RARG: variants seen among roughly 807,000 people sequenced by gnomAD.
RARG encodes retinoic acid receptor gamma.
RARG carries 17 observed loss-of-function variants against 43.7 expected under a neutral mutation model. That is an observed-to-expected ratio of 0.39 (90% confidence interval 0.27 to 0.58). RARG has a LOEUF of 0.58. Ranked by LOEUF, RARG falls within the 20% of genes least tolerant of loss-of-function variation. The pLI, the probability that RARG is intolerant of heterozygous loss-of-function variation, is 0.57. For synonymous variants in RARG, 238 were observed against 236.4 expected, an observed-to-expected ratio of 1.01 and a Z score of -0.06; for missense variants, 346 against 598.7, an observed-to-expected ratio of 0.58 and a Z score of 4.40.
At chr12:53,223,770 T>C (rs1382730091) in intron 3 of RARG, among the ~76,000 whole-genome samples, 2 of 152,228 alleles carry the variant, frequency 1.3e-5, no homozygotes, top group East Asian at 3.8e-4. Context: ...GTCTTGTCTG[T>C]GAGTCTCTCT....
chr12:53,227,587 G>T lies in RARG; in HGVS notation c.-42C>A. The T allele has an allele frequency of 6.9e-7, 1 of 1,447,954 alleles. No homozygotes were observed. Among genetic ancestry groups the T allele is most frequent in the Non-Finnish European group, 9.1e-7 (1 of 1,098,554 alleles). The allele number at this position is 1,447,954 out of a possible 1,614,324, so 89.7% of individuals were successfully genotyped here. Reference sequence around the variant, plus strand: ...GAGTCCCCTGGGGTCTGCAGTGGGCGGGCGAGGTCTTCAGCCACAGCCCCT... The same window carrying T: ...GAGTCCCCTGGGGTCTGCAGTGGGCTGGCGAGGTCTTCAGCCACAGCCCCT... On this transcript the variant is annotated 5_prime_UTR_variant, in exon 3 of 10. Coordinates refer to ENST00000425354, the MANE Select transcript of RARG (RefSeq NM_000966.6). The surrounding 1 kb of genome is among the most constrained non-coding windows in gnomAD (Gnocchi z 4.3).
chr12:53,211,031 G>C lies in RARG; in HGVS notation c.*645C>G, dbSNP rs545091669. The C allele has an allele frequency of 6.5e-6, 1 of 152,920 alleles. No homozygotes were observed. Among genetic ancestry groups the C allele is most frequent in the Non-Finnish European group, 1.5e-5 (1 of 68,186 alleles). 9.5% of individuals were successfully genotyped at this position (152,920 alleles called of 1,614,324 possible). ...GGAGCCCAAGGCACATGACAGGGCT[G>C]GGGGAGGGACTTATAACGGAGGGCA... On this transcript the variant is annotated 3_prime_UTR_variant, in exon 10 of 10. Transcript: ENST00000425354. The surrounding 1 kb of genome is among the most constrained non-coding windows in gnomAD (Gnocchi z 4.6).
chr12:53,220,314 G>C, intron 3 of RARG: 1 of 1,413,054 alleles, frequency 7.1e-7, no homozygotes, highest in South Asian at 1.6e-5. Context: ...TGGGGCTGCC[G>C]CTTTAGCCTC....
intron 3 of RARG, among the ~76,000 whole-genome samples, chr12:53,216,291 AGCT>A (rs1255425844): frequency 6.6e-6 from 1 of 152,190 alleles, no homozygotes; most frequent in Non-Finnish European, 1.5e-5. Context: ...GGCTTCCTGT[AGCT>A]GCTACTGGCC....
Position 53,227,672 on chromosome 12 carries a change from T to C in RARG, c.-127A>G. 1.5e-6 allele frequency: 2 copies of C among 1,320,182 alleles called. No homozygotes were observed. The highest frequency in any genetic ancestry group is 1.9e-6 in the Non-Finnish European group (2 of 1,031,586). 81.8% of individuals were successfully genotyped at this position (1,320,182 alleles called of 1,614,324 possible). A position where few individuals can be genotyped will look rare whatever the true frequency, so the allele number is the denominator to read the frequency against. Reference sequence around the variant, plus strand: ...TACCCGCCCTGCCTGGCCTGCCCACTGGGCCTCCAAAAGTCCTAGGGAGAA... The same window carrying C: ...TACCCGCCCTGCCTGGCCTGCCCACCGGGCCTCCAAAAGTCCTAGGGAGAA... On this transcript the variant is annotated 5_prime_UTR_variant, in exon 3 of 10. Coordinates refer to ENST00000425354, the MANE Select transcript of RARG (RefSeq NM_000966.6). This position sits in a 1 kb window ranked among gnomAD's most constrained non-coding sequence, Gnocchi z 4.3.
chr12:53,215,066 T>C lies in RARG; in HGVS notation c.475+227A>G, dbSNP rs1942724246. The stretch of plus-strand genomic sequence containing the variant: ...CAGGGGGAATGTGAGACCCTACTTA[T>C]TCACCCATTCAGAGGAAGAGTCAAG... On this transcript the variant is annotated intron_variant, in intron 5 of 9. Transcript: ENST00000425354. The surrounding 1 kb of genome is among the most constrained non-coding windows in gnomAD (Gnocchi z 6.4). 6.6e-6 allele frequency among the ~76,000 whole-genome samples: 1 copy of C among 152,126 alleles called. No homozygotes were observed. Among genetic ancestry groups the C allele is most frequent in the Admixed American group, 6.5e-5 (1 of 15,276 alleles).
At chr12:53,226,877 G>T (rs1348461376) in intron 3 of RARG, among the ~76,000 whole-genome samples, 2 of 152,164 alleles carry the variant, frequency 1.3e-5, no homozygotes, top group East Asian at 3.9e-4. Flanking sequence ...CTCCCAAAGT[G>T]CTGGGATTAC....
chr12:53,227,888 G>A lies in RARG; in HGVS notation c.-142-201C>T, dbSNP rs548032800. On this transcript the variant is annotated intron_variant, in intron 2 of 9. Transcript: ENST00000425354. The surrounding 1 kb of genome is among the most constrained non-coding windows in gnomAD (Gnocchi z 4.3). ...TGAGAAACTCTCCAGAGGAGCTCCA[G>A]GAAAGGTTAAACTGAGGTCCCAAGG... is the stretch of plus-strand genomic sequence containing the variant. Among the ~76,000 whole-genome samples the A allele has an allele frequency of 2.6e-5, 4 of 152,300 alleles. No individual in the cohort carries two copies. The South Asian group carries it at 8.3e-4, about 32-fold the overall frequency.
intron 2 of RARG, among the ~76,000 whole-genome samples, chr12:53,230,836 CGTGT>C (rs59367849): frequency 0.16 from 19,693 of 119,670 alleles, 1,431 homozygotes; most frequent in South Asian, 0.26. Context: ...GGCCACAGTG[CGTGT>C]GTGTGTGTGT....
chr12:53,227,783 T>C lies in RARG; in HGVS notation c.-142-96A>G, dbSNP rs1444444466. ...TCTCAGTTGCAGTCTTCTCCCTCTG[T>C]GCTGCTACAGTTTATCCTGCCCTGG... On this transcript the variant is annotated intron_variant, in intron 2 of 9. Transcript: ENST00000425354. This position sits in a 1 kb window ranked among gnomAD's most constrained non-coding sequence, Gnocchi z 4.3. 5.3e-6 allele frequency: 5 copies of C among 939,330 alleles called. No homozygotes were observed. The highest frequency in any genetic ancestry group is 4.4e-5 in the Admixed American group (1 of 22,960). 58.2% of individuals were successfully genotyped at this position (939,330 alleles called of 1,614,324 possible).
At chr12:53,218,699 C>CTTGTAAA (rs1942848200) in intron 3 of RARG, among the ~76,000 whole-genome samples, 1 of 151,686 alleles carries the variant, frequency 6.6e-6, no homozygotes, top group African/African-American at 2.4e-5. Context: ...AAAAAAAAAT[C>CTTGTAAA]CGAACTTGTA....
intron 3 of RARG, among the ~76,000 whole-genome samples, chr12:53,217,297 G>A (rs528955221): frequency 9.2e-5 from 14 of 152,284 alleles, no homozygotes; most frequent in Middle Eastern, 3.4e-3. Flanking sequence ...TGAGAGATGT[G>A]AGGAGGGCTG....
chr12:53,226,147 C>G (rs12309437), intron 3 of RARG, among the ~76,000 whole-genome samples: 13,407 of 152,156 alleles, frequency 0.088, 887 homozygotes, highest in South Asian at 0.2. Flanking sequence ...CTCTCTCTCT[C>G]AGACAGAATC....
rs184514676 is a variant in RARG, at chr12:53,211,338, G to A, written c.*338C>T. ...CTCAGAGAGCCAAGCACCTGGCAGAGGAAGGGGCTGTGGAATGGCAGGGTC... is the reference window on the plus strand; with the variant it reads ...CTCAGAGAGCCAAGCACCTGGCAGAAGAAGGGGCTGTGGAATGGCAGGGTC... On this transcript the variant is annotated 3_prime_UTR_variant, in exon 10 of 10. Transcript: ENST00000425354. This position sits in a 1 kb window ranked among gnomAD's most constrained non-coding sequence, Gnocchi z 4.6. The A allele has an allele frequency of 4.6e-6, 1 of 217,806 alleles. No individual in the cohort carries two copies. The highest frequency in any genetic ancestry group is 9.0e-6 in the Non-Finnish European group (1 of 110,610). The allele number at this position is 217,806 out of a possible 1,614,324, so 13.5% of individuals were successfully genotyped here. A position where few individuals can be genotyped will look rare whatever the true frequency, so the allele number is the denominator to read the frequency against.
At chr12:53,222,566 T>C (rs752554545) in intron 3 of RARG, among the ~76,000 whole-genome samples, 2 of 151,458 alleles carry the variant, frequency 1.3e-5, no homozygotes, top group Non-Finnish European at 2.9e-5. Flanking sequence ...ACAGGAGGAG[T>C]TGGGGGAGGG....
chr12:53,217,104 G>A (rs148534606), intron 3 of RARG, among the ~76,000 whole-genome samples: 4 of 152,096 alleles, frequency 2.6e-5, no homozygotes, highest in African/African-American at 7.2e-5. Context: ...AGGGTTCCAC[G>A]CTAGCTCCAC....
intron 3 of RARG, among the ~76,000 whole-genome samples, chr12:53,216,821 A>AGTGTGTGTGTGTGTGTGTGT (rs35354918): frequency 1.5e-4 from 22 of 144,222 alleles, no homozygotes; most frequent in African/African-American, 5.6e-4. Flanking sequence ...CTGCTGGGTA[A>AGTGTGTGTGTGTGTGTGTGT]GTGTGTGTGT....
Position 53,221,940 on chromosome 12 carries a change from C to T in RARG, c.184+5422G>A, listed in dbSNP as rs1451869559. On this transcript the variant is annotated intron_variant, in intron 3 of 9. Transcript: ENST00000425354. ...GGGTGGGGGGCGCACTGGGGTGCTG[C>T]AGGAGTGGGGCGCCTGTTGGAAGAA... is the stretch of plus-strand genomic sequence containing the variant. Among the ~76,000 whole-genome samples, 6 of 151,116 alleles carry T rather than the reference C, an allele frequency of 4.0e-5. 1 individual carries two copies. The highest frequency in any genetic ancestry group is 1.5e-4 in the African/African-American group (6 of 41,088).
At chr12:53,224,915 G>A (rs1943070450) in intron 3 of RARG, among the ~76,000 whole-genome samples, 1 of 152,150 alleles carries the variant, frequency 6.6e-6, no homozygotes, top group Non-Finnish European at 1.5e-5. Context: ...CTTGATCTCA[G>A]TGTGTCCATG....
Sources: allele counts gnomAD v4.1 joint callset (sites outside exome capture counted in the v4.1 genomes callset), GRCh38; gene constraint gnomAD v4.1.1; non-coding constraint Gnocchi (gnomAD v3.1); transcripts MANE v1.5; gene names NCBI Gene and HGNC (gene_info 2026-07-23, HGNC 2026-07-21).